Variants in RPS6KA1 observed in about 807,000 individuals in gnomAD.
The protein encoded by RPS6KA1 is ribosomal protein S6 kinase alpha-1.
RPS6KA1 carries 48 observed loss-of-function variants against 91.3 expected under a neutral mutation model. The ratio of observed to expected loss-of-function variants is 0.53; its 90% CI spans 0.42 to 0.67. RPS6KA1 has a LOEUF of 0.67. Ranked by LOEUF, RPS6KA1 falls within the 30% of genes least tolerant of loss-of-function variation. The pLI is 0.00. For synonymous variants in RPS6KA1, 359 were observed against 384.7 expected, an observed-to-expected ratio of 0.93 and a Z score of 0.78; for missense variants, 719 against 960.5, an observed-to-expected ratio of 0.75 and a Z score of 3.32.
intron 2 of RPS6KA1, among the ~76,000 whole-genome samples, chr1:26,542,852 G>T (rs1453151021): frequency 6.6e-6 from 1 of 152,202 alleles, no homozygotes; most frequent in Non-Finnish European, 1.5e-5. Flanking sequence ...ATGTTTGCGG[G>T]TGCTGATATG....
chr1:26,565,869 A>G (rs2076197011), intron 17 of RPS6KA1, among the ~76,000 whole-genome samples: 1 of 151,848 alleles, frequency 6.6e-6, no homozygotes, highest in South Asian at 2.1e-4. Flanking sequence ...TTTCATACAA[A>G]CTTTCTCTTT....
intron 17 of RPS6KA1, among the ~76,000 whole-genome samples, chr1:26,566,357 C>T (rs1180910260): frequency 3.4e-5 from 5 of 146,140 alleles, no homozygotes; most frequent in Admixed American, 2.1e-4. Context: ...GATCTCGGCT[C>T]ACTGCAACCT....
At chr1:26,550,780 G>A (rs950251378) in intron 4 of RPS6KA1, among the ~76,000 whole-genome samples, 4 of 152,332 alleles carry the variant, frequency 2.6e-5, no homozygotes, top group Admixed American at 2.0e-4. Flanking sequence ...GCAAATTAAG[G>A]AGCGCTTCCT....
rs752945119 is a variant in RPS6KA1 at position 26,551,408 on chromosome 1, G to T, written c.319G>T (p.Val107Phe). 3.7e-6 allele frequency: 6 copies of T among 1,614,000 alleles called. No homozygotes were observed. In the East Asian group the frequency reaches 1.3e-4, roughly 36 times the overall value. ...KKATLKVRDRVRTKMERDILA... is the reference protein window; with the variant it reads ...KKATLKVRDRFRTKMERDILA... ...TCTCGTCTGGCCAGTACGTGACCGC[G>T]TCCGGACCAAGATGGAGAGAGACAT... The change falls in exon 5 of 22, where the codon GTC (valine) becomes TTC (phenylalanine). Residue 107 changes from valine to phenylalanine, a missense_variant. By Grantham distance (50) the Val-to-Phe change is conservative (BLOSUM62 -1). Around this residue, in one of 5 missense-constraint regions of RPS6KA1, gnomAD observed 159 missense variants for 264.5 expected, o/e 0.60. Transcript: ENST00000374168. The surrounding 1 kb of genome is among the most constrained non-coding windows in gnomAD (Gnocchi z 4.5).
intron 17 of RPS6KA1, among the ~76,000 whole-genome samples, chr1:26,563,105 C>T (rs777474607): frequency 2.0e-5 from 3 of 152,044 alleles, no homozygotes; most frequent in Non-Finnish European, 4.4e-5. Context: ...TCCCAAAGTG[C>T]TGGGATTACA....
chr1:26,572,341 G>A, intron 20 of RPS6KA1, 48 bp downstream of exon 20: 1 of 1,321,840 alleles, frequency 7.6e-7, no homozygotes, highest in South Asian at 1.2e-5. Context: ...GGGAGGCAGG[G>A]TCCCATCCTA....
At chr1:26,564,477 T>C (rs1330544837) in intron 17 of RPS6KA1, among the ~76,000 whole-genome samples, 13 of 152,098 alleles carry the variant, frequency 8.5e-5, no homozygotes, top group African/African-American at 3.1e-4. Flanking sequence ...CCAGGATGGT[T>C]TCGATCACCT....
intron 15 of RPS6KA1, 84 bp downstream of exon 15, chr1:26,560,935 C>G (rs2076148949): frequency 6.2e-7 from 1 of 1,606,284 alleles, no homozygotes; most frequent in Admixed American, 1.7e-5. Context: ...TGCCTGAGCT[C>G]TGCAGATGTA....
At chr1:26,543,741 A>G (rs921669310) in intron 2 of RPS6KA1, among the ~76,000 whole-genome samples, 1 of 152,182 alleles carries the variant, frequency 6.6e-6, no homozygotes, top group Non-Finnish European at 1.5e-5. Flanking sequence ...TGCTGACCCC[A>G]GGCCAGGCAG....
chr1:26,529,835 C>A lies in RPS6KA1; in HGVS notation c.-86C>A. On this transcript the variant is annotated 5_prime_UTR_variant, in exon 1 of 22. Coordinates refer to ENST00000374168, the MANE Select transcript of RPS6KA1 (RefSeq NM_002953.4). This position sits in a 1 kb window ranked among gnomAD's most constrained non-coding sequence, Gnocchi z 4.2. Reference sequence around the variant, plus strand: ...AGGGGCTCGGGGGGGCGCGGCGGTTCGGGTCGCAGAGCCAGGGACCCCAGG... The same window carrying A: ...AGGGGCTCGGGGGGGCGCGGCGGTTAGGGTCGCAGAGCCAGGGACCCCAGG... 9.4e-7 allele frequency: 1 copy of A among 1,066,268 alleles called. No individual in the cohort carries two copies. The highest frequency in any genetic ancestry group is 1.2e-6 in the Non-Finnish European group (1 of 836,048). 66.1% of individuals were successfully genotyped at this position (1,066,268 alleles called of 1,614,324 possible). A position where few individuals can be genotyped will look rare whatever the true frequency, so the allele number is the denominator to read the frequency against.
At chr1:26,573,131 G>A (rs1475864956) in intron 20 of RPS6KA1, 93 bp from the exon 21 acceptor site, 25 of 1,353,528 alleles carry the variant, frequency 1.8e-5, no homozygotes, top group Non-Finnish European at 2.1e-5. Context: ...GGTTCAGGCG[G>A]GAGCTAGCAG....
rs566878899 is a variant in RPS6KA1, at chr1:26,556,559, G to A, written c.917-95G>A. On this transcript the variant is annotated intron_variant, in intron 11 of 21. Coordinates refer to ENST00000374168, the MANE Select transcript of RPS6KA1 (RefSeq NM_002953.4). The stretch of plus-strand genomic sequence containing the variant: ...GCCCATTTTCCCCTCTGCTCCAGCA[G>A]CTGGTCCCAGAGCCCTGTGAGGCTG... 1.1e-4 allele frequency: 151 copies of A among 1,325,384 alleles called. No homozygotes were observed. The Admixed American group carries it at 1.2e-3, about 11-fold the overall frequency. 82.1% of individuals were successfully genotyped at this position (1,325,384 alleles called of 1,614,324 possible). A position where few individuals can be genotyped will look rare whatever the true frequency, so the allele number is the denominator to read the frequency against.
chr1:26,571,571 C>T lies in RPS6KA1; in HGVS notation c.1713C>T (p.Leu571=). The T allele has an allele frequency of 1.2e-6, 2 of 1,614,186 alleles. No individual in the cohort carries two copies. Among genetic ancestry groups the T allele is most frequent in the Non-Finnish European group, 1.7e-6 (2 of 1,180,028 alleles). ...AGCTGCGGGCTGAGAATGGGCTCCT[C>T]ATGACACCTTGCTACACAGCCAACT... ...AKQLRAENGL[L]MTPCYTANFV... is the part of the protein sequence containing the mutation. The change falls in exon 18 of 22, where the codon CTC becomes CTT. Residue 571 remains leucine, a synonymous_variant. Transcript: ENST00000374168. This position sits in a 1 kb window ranked among gnomAD's most constrained non-coding sequence, Gnocchi z 5.1.
Position 26,536,975 on chromosome 1 carries a change from G to A in RPS6KA1, c.108+6G>A, listed in dbSNP as rs757022058. ...CTGGACTTCAGCCGTCCAAGGTGAG[G>A]ACCATGGCCAGCACCCTGAGCGAGG... On this transcript the variant is annotated splice_donor_region_variant and intron_variant, in intron 2 of 21. Transcript: ENST00000374168. The A allele has an allele frequency of 3.7e-6, 6 of 1,614,114 alleles. No homozygotes were observed. The highest frequency in any genetic ancestry group is 4.2e-6 in the Non-Finnish European group (5 of 1,179,956).
intron 1 of RPS6KA1, chr1:26,530,654 A>G (rs1219149151): frequency 2.1e-6 from 2 of 934,534 alleles, no homozygotes; most frequent in East Asian, 6.4e-5. Flanking sequence ...CTCCCTTCTT[A>G]TGCCCCTTCC....
At chr1:26,572,151 C>A in intron 19 of RPS6KA1, 25 bp from the exon 20 acceptor site, 1 of 1,586,032 alleles carries the variant, frequency 6.3e-7, no homozygotes, top group African/African-American at 1.3e-5. Flanking sequence ...GAGTCTGTAC[C>A]CAGACCGTGC....
intron 1 of RPS6KA1, among the ~76,000 whole-genome samples, chr1:26,533,665 C>T (rs533216868): frequency 7.0e-4 from 106 of 152,184 alleles, no homozygotes; most frequent in African/African-American, 2.3e-3. Flanking sequence ...GAGATTGCGC[C>T]GCTGCACTCC....
chr1:26,565,421 T>G (rs981442745), intron 17 of RPS6KA1, among the ~76,000 whole-genome samples: 2 of 152,020 alleles, frequency 1.3e-5, no homozygotes, highest in Admixed American at 6.6e-5. Flanking sequence ...AATACACCTG[T>G]GTAACCAGTA....
In RPS6KA1 at chr1:26,555,968, C is replaced by T; in HGVS notation, c.916+343C>T. 1 of 394,460 alleles carries T rather than the reference C, an allele frequency of 2.5e-6. No individual in the cohort carries two copies. 24.4% of individuals were successfully genotyped at this position (394,460 alleles called of 1,614,324 possible). ...CCCAATCCCGGCTCTGTGTCAGGTC[C>T]CCACTGCCTGGCACAAAACAGTCCC... On this transcript the variant is annotated intron_variant, in intron 11 of 21. Transcript: ENST00000374168. This position sits in a 1 kb window ranked among gnomAD's most constrained non-coding sequence, Gnocchi z 4.3.
Sources: allele counts gnomAD v4.1 joint callset (sites outside exome capture counted in the v4.1 genomes callset), GRCh38; gene constraint gnomAD v4.1.1; regional missense constraint gnomAD v4.1.1; non-coding constraint Gnocchi (gnomAD v3.1); transcripts MANE v1.5; gene names NCBI Gene and HGNC (gene_info 2026-07-23, HGNC 2026-07-21).